The following GAB2 variants were observed in gnomAD, a reference collection of about 807,000 sequenced individuals.
The protein encoded by GAB2 is GRB2-associated-binding protein 2.
In GAB2, 26 loss-of-function variants were observed where a neutral mutation model predicts 65.5. The ratio of observed to expected loss-of-function variants is 0.40; its 90% confidence interval spans 0.29 to 0.55. The LOEUF (loss-of-function observed/expected upper bound fraction) is 0.55. Among genes scored for constraint, GAB2 ranks in the 20% least tolerant of loss-of-function variants. The pLI is 0.53. For synonymous variants in GAB2, 321 were observed against 329.6 expected (o/e 0.97, Z 0.28); for missense variants, 884 against 875.8 (o/e 1.01, Z -0.12).
chr11:78,354,575 A>G (rs1405535034), intron 1 of GAB2, among the ~76,000 whole-genome samples: 1 of 152,156 alleles, frequency 6.6e-6, no homozygotes, highest in Non-Finnish European at 1.5e-5. Flanking sequence ...CTAACACCAC[A>G]AAGGAAATCA....
Position 78,222,021 on chromosome 11 carries a change from C to A in GAB2, c.1658+84G>T, listed in dbSNP as rs1303898717. The A allele has an allele frequency of 3.3e-6, 3 of 899,278 alleles. No individual in the cohort carries two copies. The Admixed American group carries it at 5.2e-5, about 16-fold the overall frequency. 55.7% of individuals were successfully genotyped at this position (899,278 alleles called of 1,614,324 possible). A position where few individuals can be genotyped will look rare whatever the true frequency, so the allele number is the denominator to read the frequency against. On this transcript the variant is annotated intron_variant, in intron 7 of 9. Coordinates refer to ENST00000361507, the MANE Select transcript of GAB2 (RefSeq NM_080491.3). ...AGCGTTAGCATCAGAATCCAGCTGT[C>A]CCGGCCCACAGGCCAGCTACCACAT...
At chr11:78,363,568 T>C (rs116120269) in intron 1 of GAB2, among the ~76,000 whole-genome samples, 1,872 of 151,656 alleles carry the variant, frequency 0.012, 32 homozygotes, top group African/African-American at 0.043. Flanking sequence ...TAGTAAAAGA[T>C]AAATAGAAAT....
intron 1 of GAB2, among the ~76,000 whole-genome samples, chr11:78,360,830 A>G (rs1399196): frequency 0.29 from 43,612 of 151,928 alleles, 7,704 homozygotes; most frequent in African/African-American, 0.49. Flanking sequence ...CTGCAGTCCA[A>G]CCTGGGCAAC....
At chr11:78,396,662 C>T (rs538155424) in intron 1 of GAB2, among the ~76,000 whole-genome samples, 60 of 151,702 alleles carry the variant, frequency 4.0e-4, no homozygotes, top group Non-Finnish European at 7.2e-4. Context: ...GGCTGGAGTG[C>T]TCTCAGGTCA....
intron 1 of GAB2, among the ~76,000 whole-genome samples, chr11:78,311,083 A>C (rs1855491035): frequency 6.6e-6 from 1 of 152,230 alleles, no homozygotes; most frequent in East Asian, 1.9e-4. Context: ...GACAGTTCTC[A>C]GATCAAAAGG....
intron 1 of GAB2, among the ~76,000 whole-genome samples, chr11:78,387,425 G>A (rs373868095): frequency 2.0e-5 from 3 of 152,076 alleles, no homozygotes; most frequent in African/African-American, 4.8e-5. Context: ...TGACCATCAC[G>A]TTATCAAGTT....
chr11:78,353,510 C>T (rs1019174025), intron 1 of GAB2, among the ~76,000 whole-genome samples: 7 of 152,200 alleles, frequency 4.6e-5, no homozygotes, highest in Non-Finnish European at 7.4e-5. Context: ...ACTAATGATA[C>T]GATTCATGAT....
chr11:78,374,396 T>A (rs1856607817), intron 1 of GAB2, among the ~76,000 whole-genome samples: 2 of 152,214 alleles, frequency 1.3e-5, no homozygotes, highest in South Asian at 4.1e-4. Flanking sequence ...TGTAGGACCT[T>A]ATTGTCCATG....
intron 3 of GAB2, among the ~76,000 whole-genome samples, chr11:78,245,918 G>A (rs1158759550): frequency 2.0e-5 from 3 of 151,400 alleles, no homozygotes; most frequent in Admixed American, 2.0e-4. Context: ...AAACTCCTTG[G>A]TTGGCAGAGG....
At chr11:78,342,375 C>G (rs989991710) in intron 1 of GAB2, among the ~76,000 whole-genome samples, 1 of 151,846 alleles carries the variant, frequency 6.6e-6, no homozygotes, top group East Asian at 1.9e-4. Context: ...ATAAACCCTC[C>G]CTCCTCTAAA....
intron 1 of GAB2, among the ~76,000 whole-genome samples, chr11:78,387,528 G>A (rs1856783684): frequency 6.6e-6 from 1 of 152,200 alleles, no homozygotes. Context: ...AAACAAATTT[G>A]TTAACACGAT....
At chr11:78,359,049 A>C (rs1288521931) in intron 1 of GAB2, among the ~76,000 whole-genome samples, 1 of 152,244 alleles carries the variant, frequency 6.6e-6, no homozygotes, top group Non-Finnish European at 1.5e-5. Flanking sequence ...AATTCCATAG[A>C]ATGTGACCAA....
chr11:78,310,430 G>A (rs1591025917), intron 1 of GAB2, among the ~76,000 whole-genome samples: 2 of 150,162 alleles, frequency 1.3e-5, no homozygotes, highest in African/African-American at 4.9e-5. Context: ...GGAGAATGGC[G>A]TGAACCTGGG....
chr11:78,246,294 T>C (rs1040473869), intron 3 of GAB2, among the ~76,000 whole-genome samples: 5 of 152,196 alleles, frequency 3.3e-5, no homozygotes, highest in African/African-American at 7.2e-5. Flanking sequence ...GGAATGTTGT[T>C]TTCACAGGAG....
chr11:78,257,959 G>T (rs1468853142), intron 2 of GAB2, among the ~76,000 whole-genome samples: 3 of 152,110 alleles, frequency 2.0e-5, no homozygotes, highest in African/African-American at 7.2e-5. Context: ...TGCAGAGGAA[G>T]AACTCCCACA....
intron 1 of GAB2, among the ~76,000 whole-genome samples, chr11:78,290,343 A>C (rs1377218083): frequency 6.6e-6 from 1 of 152,234 alleles, no homozygotes; most frequent in Non-Finnish European, 1.5e-5. Context: ...CTGATGAAAT[A>C]GAAGTGACTG....
chr11:78,409,899 A>C (rs1857104923), intron 1 of GAB2, among the ~76,000 whole-genome samples: 1 of 152,212 alleles, frequency 6.6e-6, no homozygotes, highest in South Asian at 2.1e-4. Flanking sequence ...ACAAGTTAAA[A>C]ATAATTGAAA....
chr11:78,300,526 A>AAAAAAAC, intron 1 of GAB2, among the ~76,000 whole-genome samples: 1 of 145,520 alleles, frequency 6.9e-6, no homozygotes, highest in East Asian at 2.0e-4. Flanking sequence ...TAAAAAAACA[A>AAAAAAAC]AAAAACAAAA....
chr11:78,222,161 G>A lies in GAB2; in HGVS notation c.1602C>T (p.Thr534=), dbSNP rs1475283631. The change falls in exon 7 of 10, where the codon ACC becomes ACT. Residue 534 remains threonine (T), a synonymous_variant. Transcript: ENST00000361507. ...KPTPLDLRNN[T]VIDELPFKSP... is the part of the protein sequence containing the mutation. The stretch of plus-strand genomic sequence containing the variant: ...ACTTGAAGGGGAGTTCATCGATGAC[G>A]GTGTTGTTCCTCAGGTCAAGTGGTG... The A allele has an allele frequency of 4.3e-6, 7 of 1,613,828 alleles. No homozygotes were observed. Among genetic ancestry groups the A allele is most frequent in the African/African-American group, 4.0e-5 (3 of 74,922 alleles).
Sources: allele counts gnomAD v4.1 joint callset (sites outside exome capture counted in the v4.1 genomes callset), GRCh38; gene constraint gnomAD v4.1.1; transcripts MANE v1.5; gene names NCBI Gene and HGNC (gene_info 2026-07-23, HGNC 2026-07-21).